Variants in DMD observed in about 807,000 individuals in gnomAD.
DMD encodes mutant dystrophin.
In DMD, 63 loss-of-function variants were observed where a neutral mutation model predicts 330.1. That is an observed-to-expected ratio of 0.19 (90% confidence interval 0.16 to 0.24). The LOEUF (loss-of-function observed/expected upper bound fraction) is 0.24. Among genes scored for constraint, DMD ranks in the 10% least tolerant of loss-of-function variants. The pLI is 1.00. For missense variants in DMD, 3,344 were observed against 2,684.1 expected (o/e 1.25, Z -5.43); for synonymous variants, 1,223 against 959.8 (o/e 1.27, Z -5.07).
chrX:33,126,436 G>A (rs1009050391), intron 1 of DMD, among the ~76,000 whole-genome samples: 12 of 111,236 alleles, frequency 1.1e-4, no homozygotes, highest in African/African-American at 3.9e-4. Flanking sequence ...CCCCACTTCA[G>A]AAGGACTGAA....
At chrX:31,551,869 A>G (rs771378657) in intron 55 of DMD, among the ~76,000 whole-genome samples, 9 of 112,235 alleles carry the variant, frequency 8.0e-5, no homozygotes, top group Non-Finnish European at 1.7e-4. Context: ...CAATATATAC[A>G]TTCAGAACAG....
intron 45 of DMD, among the ~76,000 whole-genome samples, chrX:31,936,902 C>A (rs182222483): frequency 3.6e-5 from 4 of 110,964 alleles, no homozygotes; most frequent in Admixed American, 2.9e-4. Flanking sequence ...ATTTATGGTG[C>A]TTTCTTCATG....
intron 17 of DMD, among the ~76,000 whole-genome samples, chrX:32,528,660 A>C (rs1351297796): frequency 1.8e-5 from 2 of 111,293 alleles, no homozygotes; most frequent in African/African-American, 6.6e-5. Context: ...ACAGACTTTA[A>C]GTCTGATAAG....
intron 50 of DMD, among the ~76,000 whole-genome samples, chrX:31,777,488 T>TC (rs1421900666): frequency 1.0e-4 from 11 of 109,036 alleles, no homozygotes; most frequent in Non-Finnish European, 1.9e-4. Context: ...TTTTTTTTTT[T>TC]AGCTGTGTAA....
At position 32,142,685 on chromosome X, in the gene DMD, C is replaced by T. The variant is rs187145011; in HGVS notation, c.6438+74231G>A. Among the ~76,000 whole-genome samples the T allele has an allele frequency of 2.8e-4, 31 of 112,259 alleles. No homozygotes were observed. The East Asian group carries it at 7.9e-3, about 29-fold the overall frequency. Reference sequence around the variant, plus strand: ...ATTTCAGATATTTTACTCCATGCTACGACCTTGCAAAGCTTACCTAAATTC... The same window carrying T: ...ATTTCAGATATTTTACTCCATGCTATGACCTTGCAAAGCTTACCTAAATTC... On this transcript the variant is annotated intron_variant, in intron 44 of 78. Transcript: ENST00000357033.
intron 2 of DMD, among the ~76,000 whole-genome samples, chrX:32,946,319 A>G (rs950684947): frequency 9.0e-6 from 1 of 111,191 alleles, no homozygotes; most frequent in Non-Finnish European, 1.9e-5. Context: ...GGTTCAAGGA[A>G]AGAACACTAC....
chrX:32,566,254 T>C, intron 15 of DMD, among the ~76,000 whole-genome samples: 1 of 112,049 alleles, frequency 8.9e-6, no homozygotes, highest in East Asian at 2.8e-4. Context: ...CCTTAATTCC[T>C]GACGGAATTC....
chrX:32,740,856 T>C (rs1439008166), intron 7 of DMD, among the ~76,000 whole-genome samples: 5 of 111,624 alleles, frequency 4.5e-5, no homozygotes, highest in Non-Finnish European at 9.4e-5. Context: ...AATTCTCAAG[T>C]GTTTACATAA....
chrX:32,193,929 G>A (rs768837019), intron 44 of DMD, among the ~76,000 whole-genome samples: 1 of 112,061 alleles, frequency 8.9e-6, no homozygotes, highest in Admixed American at 9.5e-5. Context: ...CCAGCTCTGT[G>A]TTACTCTAAA....
chrX:32,026,412 G>T (rs959576651), intron 44 of DMD, among the ~76,000 whole-genome samples: 1 of 111,780 alleles, frequency 8.9e-6, no homozygotes, highest in Non-Finnish European at 1.9e-5. Flanking sequence ...TCCACAATGG[G>T]ACTTAATTTC....
intron 13 of DMD, among the ~76,000 whole-genome samples, chrX:32,582,360 CAAAT>C (rs1405545645): frequency 1.8e-5 from 2 of 110,861 alleles, no homozygotes; most frequent in African/African-American, 6.6e-5. Context: ...TATATCAGCA[CAAAT>C]AGAAAATGAA....
At chrX:32,005,502 G>C (rs2095655428) in intron 44 of DMD, among the ~76,000 whole-genome samples, 2 of 110,867 alleles carry the variant, frequency 1.8e-5, no homozygotes, top group East Asian at 2.8e-4. Context: ...CAATGGGCTA[G>C]GATTTGGCAC....
intron 41 of DMD, among the ~76,000 whole-genome samples, chrX:32,327,797 T>C (rs2097658789): frequency 8.9e-6 from 1 of 111,777 alleles, no homozygotes; most frequent in Non-Finnish European, 1.9e-5. Flanking sequence ...ATTGACACAA[T>C]CAATTTTCAC....
chrX:32,935,258 G>A (rs1201068793), intron 2 of DMD, among the ~76,000 whole-genome samples: 2 of 112,738 alleles, frequency 1.8e-5, no homozygotes, highest in South Asian at 3.6e-4. Flanking sequence ...GATTACAGGC[G>A]TGAGCCACCG....
In DMD at chrX:32,199,749, G is replaced by A. The variant is rs1603628144; in HGVS notation, c.6438+17167C>T. ...CCGCCTCAGCCTCCTGAGTAGCTGG[G>A]ACTATCAGCAAGCGCCACCACGCAA... On this transcript the variant is annotated intron_variant, in intron 44 of 78. Coordinates refer to ENST00000357033, the MANE Select transcript of DMD (RefSeq NM_004006.3). Among the ~76,000 whole-genome samples, 4 of 107,791 alleles carry A rather than the reference G, an allele frequency of 3.7e-5. No homozygotes were observed. The South Asian group carries it at 1.7e-3, about 45-fold the overall frequency. 93.6% of individuals were successfully genotyped at this position (107,791 alleles called of 115,157 possible). A position where few individuals can be genotyped will look rare whatever the true frequency, so the allele number is the denominator to read the frequency against.
chrX:31,423,116 C>G (rs754514656), intron 60 of DMD, among the ~76,000 whole-genome samples: 12 of 111,607 alleles, frequency 1.1e-4, no homozygotes, highest in Admixed American at 1.0e-3. Flanking sequence ...TAGACTTAGG[C>G]AATTTAAAAA....
intron 1 of DMD, among the ~76,000 whole-genome samples, chrX:33,221,028 A>G (rs895034256): frequency 8.9e-6 from 1 of 111,968 alleles, no homozygotes; most frequent in African/African-American, 3.2e-5. Flanking sequence ...ATAAACTTTG[A>G]ATGTTTGAGA....
chrX:32,553,801 T>C (rs758355906), intron 16 of DMD, among the ~76,000 whole-genome samples: 1 of 112,166 alleles, frequency 8.9e-6, no homozygotes, highest in East Asian at 2.8e-4. Flanking sequence ...AGGAAGGGCC[T>C]GGTGGGAGGG....
chrX:31,679,330 A>G, intron 53 of DMD, 45 bp downstream of exon 53: 1 of 1,028,357 alleles, frequency 9.7e-7, no homozygotes, highest in Non-Finnish European at 1.3e-6. Context: ...AATTTTATCA[A>G]ATGTAACCAG....
Sources: allele counts gnomAD v4.1 joint callset (sites outside exome capture counted in the v4.1 genomes callset), GRCh38; gene constraint gnomAD v4.1.1; transcripts MANE v1.5; gene names NCBI Gene and HGNC (gene_info 2026-07-23, HGNC 2026-07-21).